The following NRG1 variants were observed in gnomAD, a reference collection of about 807,000 sequenced individuals.
NRG1 encodes neuregulin 1, also known as pro-neuregulin-1, membrane-bound isoform.
A neutral mutation model predicts 63.8 loss-of-function variants in NRG1; 18 were observed. The ratio of observed to expected loss-of-function variants is 0.28; its 90% CI spans 0.19 to 0.42. The LOEUF (loss-of-function observed/expected upper bound fraction) is 0.42, where lower values mean the gene tolerates loss of function less well. NRG1 is among the 10% of genes least tolerant of loss of function. The pLI is 1.00. For missense variants in NRG1, 762 were observed against 814.7 expected (o/e 0.94, Z 0.79); for synonymous variants, 302 against 301.3 (o/e 1.00, Z -0.02).
chr8:31,646,460 G>A (rs938010272), intron 1 of NRG1, among the ~76,000 whole-genome samples: 5 of 152,214 alleles, frequency 3.3e-5, no homozygotes, highest in Non-Finnish European at 7.3e-5. Flanking sequence ...GGGGATGGAC[G>A]AGGGATAAGA....
intron 1 of NRG1, among the ~76,000 whole-genome samples, chr8:31,941,637 GA>G (rs1296308625): frequency 6.6e-6 from 1 of 152,000 alleles, no homozygotes; most frequent in African/African-American, 2.4e-5. Flanking sequence ...GGTATACCTA[GA>G]AACCCTAAAG....
chr8:31,863,727 A>G (rs1828687768), intron 1 of NRG1, among the ~76,000 whole-genome samples: 1 of 152,132 alleles, frequency 6.6e-6, no homozygotes, highest in Admixed American at 6.6e-5. Context: ...TCTTTATCCA[A>G]TTAACCCAAC....
intron 1 of NRG1, among the ~76,000 whole-genome samples, chr8:31,840,944 C>T (rs1011388701): frequency 6.6e-6 from 1 of 152,052 alleles, no homozygotes; most frequent in Non-Finnish European, 1.5e-5. Flanking sequence ...AGTATGTATT[C>T]ATTCATTCAT....
chr8:32,327,427 A>T (rs1478534998), intron 1 of NRG1, among the ~76,000 whole-genome samples: 1 of 152,214 alleles, frequency 6.6e-6, no homozygotes. Context: ...GGAAAGTTAT[A>T]GTCTCTGCTC....
chr8:32,635,555 A>G (rs1316079488), intron 5 of NRG1, among the ~76,000 whole-genome samples: 16 of 151,746 alleles, frequency 1.1e-4, no homozygotes, highest in Non-Finnish European at 1.5e-5. Flanking sequence ...TTTTTTTGAC[A>G]GTAAGTTAGT....
At chr8:31,921,930 T>C (rs1446270866) in intron 1 of NRG1, among the ~76,000 whole-genome samples, 1 of 152,184 alleles carries the variant, frequency 6.6e-6, no homozygotes, top group Non-Finnish European at 1.5e-5. Flanking sequence ...TAAAAAATTT[T>C]TTTAATTCTA....
intron 1 of NRG1, among the ~76,000 whole-genome samples, chr8:31,989,302 A>G (rs920627300): frequency 1.9e-4 from 25 of 133,138 alleles, no homozygotes; most frequent in Non-Finnish European, 7.1e-5. Context: ...CCTAAATTAT[A>G]CAACAGGATC....
Position 32,728,095 on chromosome 8 carries a change from T to C in NRG1, c.632+17T>C. ...CTTGTGCAAGTAAGAAAAGAAATCC[T>C]GTGTGTCGCTTATGTCTATAACTCC... On this transcript the variant is annotated intron_variant, in intron 6 of 11. Coordinates refer to ENST00000356819, the Ensembl canonical transcript of NRG1. 1 of 1,613,758 alleles carries C rather than the reference T, an allele frequency of 6.2e-7. No individual in the cohort carries two copies. Among genetic ancestry groups the C allele is most frequent in the Non-Finnish European group, 8.5e-7 (1 of 1,179,752 alleles).
rs114596241 is a variant in NRG1 at position 32,686,146 on chromosome 8, C to T, written c.503-41803C>T. ...ATTAGTTTTTTACTTCTGGTTAGTGCTGTCTCCTTGATTGTGGCAAATGCA... is the reference window on the plus strand; with the variant it reads ...ATTAGTTTTTTACTTCTGGTTAGTGTTGTCTCCTTGATTGTGGCAAATGCA... On this transcript the variant is annotated intron_variant, in intron 5 of 11. Coordinates refer to ENST00000356819, the Ensembl canonical transcript of NRG1. 3.9e-3 allele frequency among the ~76,000 whole-genome samples: 590 copies of T among 152,284 alleles called. 4 individuals carry two copies. Among genetic ancestry groups the T allele is most frequent in the African/African-American group, 0.014 (573 of 41,554 alleles).
At chr8:32,681,935 C>G (rs1319595912) in intron 5 of NRG1, among the ~76,000 whole-genome samples, 4 of 152,134 alleles carry the variant, frequency 2.6e-5, no homozygotes, top group African/African-American at 2.4e-5. Flanking sequence ...ATAACGTTAA[C>G]ATGCACATGG....
intron 1 of NRG1, among the ~76,000 whole-genome samples, chr8:31,866,402 G>A (rs533346835): frequency 1.3e-5 from 2 of 152,212 alleles, no homozygotes; most frequent in South Asian, 4.1e-4. Context: ...ACCAAAAGCA[G>A]TTTTTAAACG....
chr8:32,002,524 A>AT (rs879272574), intron 1 of NRG1, among the ~76,000 whole-genome samples: 40 of 146,876 alleles, frequency 2.7e-4, no homozygotes, highest in East Asian at 4.0e-4. Context: ...TCAGTGTGGG[A>AT]TTTTTTTTTT....
chr8:31,927,834 C>G (rs1227231121), intron 1 of NRG1, among the ~76,000 whole-genome samples: 1 of 150,654 alleles, frequency 6.6e-6, no homozygotes, highest in African/African-American at 2.4e-5. Context: ...ATAATCTCAA[C>G]CCTTGAGTAT....
chr8:32,646,942 G>A, intron 5 of NRG1: 2 of 984,988 alleles, frequency 2.0e-6, no homozygotes, highest in Non-Finnish European at 2.4e-6. Flanking sequence ...GGGCTTGGAT[G>A]AAGAAGGGAA....
chr8:31,827,175 T>C (rs561706008), intron 1 of NRG1, among the ~76,000 whole-genome samples: 1 of 152,334 alleles, frequency 6.6e-6, no homozygotes, highest in South Asian at 2.1e-4. Flanking sequence ...TAATTAACAA[T>C]CTTGCTAATA....
chr8:32,231,548 C>A (rs1360425201), intron 1 of NRG1, among the ~76,000 whole-genome samples: 1 of 151,920 alleles, frequency 6.6e-6, no homozygotes, highest in Non-Finnish European at 1.5e-5. Context: ...TGTCTCAAAT[C>A]TTCTGATTTT....
intron 1 of NRG1, among the ~76,000 whole-genome samples, chr8:31,718,481 TC>T (rs1319254968): frequency 6.6e-6 from 1 of 152,204 alleles, no homozygotes; most frequent in Non-Finnish European, 1.5e-5. Context: ...TACTGTGCAC[TC>T]CCAAGTAAAT....
intron 1 of NRG1, among the ~76,000 whole-genome samples, chr8:32,209,717 CCTT>C (rs1563911815): frequency 2.6e-3 from 33 of 12,928 alleles, no homozygotes; most frequent in East Asian, 0.023. Flanking sequence ...TCTTTCCCTT[CCTT>C]CCTTCCTTCC....
Position 31,927,294 on chromosome 8 carries a change from A to G in NRG1, c.37+287863A>G, listed in dbSNP as rs370697720. ...CACAGACTGTCTTGTTCTCTAATAT[A>G]TAAAAAATAATTCAGCAACATCTAG... On this transcript the variant is annotated intron_variant, in intron 1 of 10. Coordinates refer to the NRG1 transcript ENST00000519301. Among the ~76,000 whole-genome samples, 217 of 152,302 alleles carry G rather than the reference A, an allele frequency of 1.4e-3. 1 individual carries two copies. Among genetic ancestry groups the G allele is most frequent in the Non-Finnish European group, 1.2e-3 (84 of 68,028 alleles).
Sources: gnomAD v4.1 joint callset for allele counts (sites outside exome capture counted in the v4.1 genomes callset) on GRCh38, gnomAD v4.1.1 for gene constraint, MANE v1.5 for transcripts, NCBI Gene and HGNC (gene_info 2026-07-23, HGNC 2026-07-21) for gene names.